Variants in AAK1 observed in about 807,000 individuals in gnomAD.
The protein encoded by AAK1 is AP2-associated protein kinase 1.
AAK1 carries 37 observed loss-of-function variants against 116.0 expected under a neutral mutation model. That is an observed-to-expected ratio of 0.32 (90% CI 0.25 to 0.42). AAK1 has a LOEUF of 0.42. AAK1 is among the 10% of genes least tolerant of loss of function. The pLI is 1.00. For missense variants in AAK1, 919 were observed against 1,170.6 expected, an observed-to-expected ratio of 0.79 and a Z score of 3.14; for synonymous variants, 458 against 439.9, an observed-to-expected ratio of 1.04 and a Z score of -0.51.
chr2:69,592,973 T>C (rs186685362), intron 2 of AAK1, among the ~76,000 whole-genome samples: 10 of 152,214 alleles, frequency 6.6e-5, no homozygotes, highest in Non-Finnish European at 1.5e-4. Flanking sequence ...ATGCGTCACA[T>C]TCCCTAAAAT....
chr2:69,507,637 G>A, intron 14 of AAK1, 59 bp from the exon 15 acceptor site: 1 of 1,405,900 alleles, frequency 7.1e-7, no homozygotes, highest in Non-Finnish European at 9.5e-7. Flanking sequence ...AAAACAAAAA[G>A]GGTCAACTTA....
chr2:69,553,933 T>A, intron 3 of AAK1, among the ~76,000 whole-genome samples: 1 of 150,586 alleles, frequency 6.6e-6, no homozygotes. Context: ...AAAAAATAGC[T>A]GGGTCTGGTG....
At chr2:69,506,239 C>T (rs1676180325) in intron 15 of AAK1, among the ~76,000 whole-genome samples, 1 of 152,146 alleles carries the variant, frequency 6.6e-6, no homozygotes, top group Admixed American at 6.5e-5. Flanking sequence ...CTACAATTTT[C>T]AGTAGTCTAT....
At chr2:69,524,494 G>A (rs186817434) in intron 10 of AAK1, among the ~76,000 whole-genome samples, 1 of 152,076 alleles carries the variant, frequency 6.6e-6, no homozygotes. Context: ...GAGTGCGGTG[G>A]CGTGATCTCA....
intron 12 of AAK1, among the ~76,000 whole-genome samples, chr2:69,515,516 G>C (rs955278742): frequency 6.6e-6 from 1 of 151,900 alleles, no homozygotes; most frequent in Non-Finnish European, 1.5e-5. Flanking sequence ...TTTTTGTAGA[G>C]ACACAGTCTC....
chr2:69,583,536 T>C (rs571958465), intron 2 of AAK1, among the ~76,000 whole-genome samples: 44 of 152,336 alleles, frequency 2.9e-4, no homozygotes, highest in African/African-American at 1.1e-3. Flanking sequence ...GTTTAATAAT[T>C]TCCTTGAAAG....
intron 2 of AAK1, among the ~76,000 whole-genome samples, chr2:69,640,173 C>T (rs2105275803): frequency 6.6e-6 from 1 of 151,584 alleles, no homozygotes; most frequent in African/African-American, 2.4e-5. Context: ...ATATATATTG[C>T]CTCATTTAAT....
At chr2:69,622,691 T>C (rs760751592) in intron 2 of AAK1, among the ~76,000 whole-genome samples, 57 of 152,264 alleles carry the variant, frequency 3.7e-4, no homozygotes, top group Non-Finnish European at 7.4e-4. Flanking sequence ...GGAGAACCTT[T>C]ATGTCTAGCT....
intron 2 of AAK1, among the ~76,000 whole-genome samples, chr2:69,576,680 A>T (rs1672329095): frequency 6.6e-6 from 1 of 152,220 alleles, no homozygotes; most frequent in Non-Finnish European, 1.5e-5. Flanking sequence ...CAAGTGAATC[A>T]GAGTGAATGA....
At chr2:69,557,915 G>A (rs981394954) in intron 2 of AAK1, among the ~76,000 whole-genome samples, 2 of 152,158 alleles carry the variant, frequency 1.3e-5, no homozygotes, top group Non-Finnish European at 2.9e-5. Context: ...CTCCTGGGCT[G>A]TTGAGAAGAT....
At chr2:69,625,558 G>A (rs980923291) in intron 2 of AAK1, among the ~76,000 whole-genome samples, 4 of 152,172 alleles carry the variant, frequency 2.6e-5, no homozygotes, top group African/African-American at 7.2e-5. Context: ...GGAGCCTGGT[G>A]GACGGAACTG....
chr2:69,628,597 A>T (rs944369334), intron 2 of AAK1, among the ~76,000 whole-genome samples: 1 of 152,124 alleles, frequency 6.6e-6, no homozygotes, highest in Non-Finnish European at 1.5e-5. Context: ...CTTGAACAAC[A>T]CTCTGTCATA....
intron 5 of AAK1, among the ~76,000 whole-genome samples, chr2:69,539,705 C>A (rs914755086): frequency 6.6e-6 from 1 of 152,224 alleles, no homozygotes; most frequent in African/African-American, 2.4e-5. Flanking sequence ...CACTGGAGCT[C>A]TGACCCACCT....
chr2:69,624,664 T>C (rs541741305), intron 2 of AAK1, among the ~76,000 whole-genome samples: 1 of 152,330 alleles, frequency 6.6e-6, no homozygotes, highest in African/African-American at 2.4e-5. Context: ...CCAAAGATTA[T>C]ACAGTATATG....
At chr2:69,640,049 A>ACTCTCT (rs1158229745) in intron 2 of AAK1, among the ~76,000 whole-genome samples, 1 of 115,020 alleles carries the variant, frequency 8.7e-6, no homozygotes, top group African/African-American at 3.9e-5. Context: ...ACACACACAC[A>ACTCTCT]CACACTCTCT....
At chr2:69,568,559 T>C (rs1436268726) in intron 2 of AAK1, among the ~76,000 whole-genome samples, 1 of 151,518 alleles carries the variant, frequency 6.6e-6, no homozygotes, top group African/African-American at 2.4e-5. Context: ...GCTTCCCAAG[T>C]GGCTGAGACT....
chr2:69,466,791 G>A lies in AAK1; in HGVS notation c.*9078C>T. 1.0e-6 allele frequency: 1 copy of A among 985,378 alleles called. No individual in the cohort carries two copies. Among genetic ancestry groups the A allele is most frequent in the Non-Finnish European group, 1.2e-6 (1 of 829,932 alleles). The allele number at this position is 985,378 out of a possible 1,614,324, so 61.0% of individuals were successfully genotyped here. Reference sequence around the variant, plus strand: ...GACGTACAGGAAAGGAGATGAAGATGTTAGGCACACAGACATTCAGCGTAA... The same window carrying A: ...GACGTACAGGAAAGGAGATGAAGATATTAGGCACACAGACATTCAGCGTAA... On this transcript the variant is annotated 3_prime_UTR_variant, in exon 22 of 22. Coordinates refer to ENST00000409085, the MANE Select transcript of AAK1 (RefSeq NM_014911.5).
chr2:69,544,406 A>T (rs1670843065), intron 4 of AAK1, 30 bp downstream of exon 4: 1 of 1,525,402 alleles, frequency 6.6e-7, no homozygotes, highest in Admixed American at 1.7e-5. Flanking sequence ...TAGAGAAATG[A>T]CAGCTTAAGG....
Position 69,458,447 on chromosome 2 carries a change from A to G in AAK1, c.*17422T>C, listed in dbSNP as rs997887909. 7.9e-5 allele frequency: 12 copies of G among 152,684 alleles called. No homozygotes were observed. The highest frequency in any genetic ancestry group is 1.9e-4 in the African/African-American group (8 of 41,456). 9.5% of individuals were successfully genotyped at this position (152,684 alleles called of 1,614,324 possible). On this transcript the variant is annotated 3_prime_UTR_variant, in exon 22 of 22. Transcript: ENST00000409085. ...CACTGCTACCCTCTCAATGCCACAC[A>G]TGAGCCCTCAGGGTGAGCCCTACAG...
Sources: allele counts gnomAD v4.1 joint callset (sites outside exome capture counted in the v4.1 genomes callset), GRCh38; gene constraint gnomAD v4.1.1; transcripts MANE v1.5; gene names NCBI Gene and HGNC (gene_info 2026-07-23, HGNC 2026-07-21).